Variants in RAD51B observed in about 807,000 individuals in gnomAD.
RAD51B encodes the protein RAD51 paralog B.
Under a neutral mutation model 42.2 loss-of-function variants are expected in RAD51B, and 38 were observed. That is an observed-to-expected ratio of 0.90 (90% CI 0.70 to 1.18). The LOEUF is 1.18. Ranked by LOEUF, RAD51B falls within the 50% of genes most tolerant of loss-of-function variation. The probability of loss-of-function intolerance (pLI) is 0.00; values close to 1 mark genes in which losing one functional copy is unlikely to be tolerated. For synonymous variants in RAD51B, 154 were observed against 145.2 expected, an observed-to-expected ratio of 1.06 and a Z score of -0.43; for missense variants, 373 against 400.7, an observed-to-expected ratio of 0.93 and a Z score of 0.59.
chr14:68,403,621 G>A (rs2084181770), intron 8 of RAD51B, among the ~76,000 whole-genome samples: 1 of 152,158 alleles, frequency 6.6e-6, no homozygotes, highest in African/African-American at 2.4e-5. Flanking sequence ...TGTATACAGA[G>A]CAGAGAGACA....
intron 9 of RAD51B, among the ~76,000 whole-genome samples, chr14:68,462,079 C>G (rs1268212550): frequency 6.6e-6 from 1 of 152,158 alleles, no homozygotes; most frequent in Admixed American, 6.5e-5. Flanking sequence ...CTGCTGAGTC[C>G]CACTGAAAAT....
chr14:68,514,775 T>C (rs1038276744), intron 10 of RAD51B, among the ~76,000 whole-genome samples: 1 of 152,230 alleles, frequency 6.6e-6, no homozygotes, highest in Non-Finnish European at 1.5e-5. Context: ...ACCTGCTTAA[T>C]GCATTTCAGG....
exon 11 of RAD51B, chr14:68,595,850 A>G (rs546545580): frequency 9.6e-5 from 28 of 291,910 alleles, no homozygotes; most frequent in African/African-American, 5.8e-4. Flanking sequence ...AGAAAAAAGT[A>G]TTATGTGCAT....
At chr14:68,441,131 G>C (rs55820001) in intron 9 of RAD51B, among the ~76,000 whole-genome samples, 10,294 of 152,282 alleles carry the variant, frequency 0.068, 433 homozygotes, top group Non-Finnish European at 0.093. Flanking sequence ...GTATGACATT[G>C]TTAGTTCTTT....
At chr14:68,457,066 C>T (rs1398467721) in intron 9 of RAD51B, among the ~76,000 whole-genome samples, 5 of 151,622 alleles carry the variant, frequency 3.3e-5, no homozygotes, top group African/African-American at 1.2e-4. Flanking sequence ...GCATGCACCA[C>T]CACACCCAAC....
At chr14:68,674,898 G>A (rs1424233126) in intron 11 of RAD51B, among the ~76,000 whole-genome samples, 2 of 152,178 alleles carry the variant, frequency 1.3e-5, no homozygotes, top group African/African-American at 4.8e-5. Context: ...CTGGACGATG[G>A]GCCGCTGCTC....
intron 7 of RAD51B, among the ~76,000 whole-genome samples, chr14:67,939,436 T>G (rs76351850): frequency 0.019 from 2,840 of 152,262 alleles, 42 homozygotes; most frequent in Middle Eastern, 0.041. Flanking sequence ...TGATTCCTTT[T>G]AAGAAAGAAA....
intron 8 of RAD51B, among the ~76,000 whole-genome samples, chr14:68,322,989 G>GT (rs1394193179): frequency 2.0e-5 from 3 of 152,326 alleles, no homozygotes; most frequent in African/African-American, 7.2e-5. Context: ...CAGTAGATTC[G>GT]TGACTATGAG....
chr14:68,541,466 C>G, intron 10 of RAD51B: 1 of 985,418 alleles, frequency 1.0e-6, no homozygotes, highest in Non-Finnish European at 1.2e-6. Flanking sequence ...GGGGGAATGG[C>G]CCCTCTGGCT....
At chr14:68,599,877 C>T (rs1020821123), downstream of RAD51B, among the ~76,000 whole-genome samples, 1 of 152,210 alleles carries the variant, frequency 6.6e-6, no homozygotes, top group Non-Finnish European at 1.5e-5. Flanking sequence ...CAGGGGCTCC[C>T]GAAAGATTAG....
At chr14:68,579,117 C>T (rs779183813) in intron 10 of RAD51B, among the ~76,000 whole-genome samples, 4 of 152,178 alleles carry the variant, frequency 2.6e-5, no homozygotes, top group Non-Finnish European at 5.9e-5. Context: ...ACGACACCAC[C>T]AATTTTCCTT....
At chr14:68,251,352 A>G (rs1160148331) in intron 7 of RAD51B, among the ~76,000 whole-genome samples, 1 of 152,186 alleles carries the variant, frequency 6.6e-6, no homozygotes, top group East Asian at 1.9e-4. Flanking sequence ...CCTTCTTAAA[A>G]GCAGGAGGTG....
chr14:67,876,818 T>C (rs8016246), intron 5 of RAD51B, among the ~76,000 whole-genome samples: 11 of 152,026 alleles, frequency 7.2e-5, no homozygotes, highest in Non-Finnish European at 1.5e-4. Flanking sequence ...GGGAAGTCGG[T>C]GGTGTTTTAC....
intron 5 of RAD51B, among the ~76,000 whole-genome samples, chr14:67,868,644 A>C (rs556586501): frequency 1.3e-5 from 2 of 152,252 alleles, no homozygotes; most frequent in Admixed American, 1.3e-4. Context: ...GGCACAGACA[A>C]ACAAAAAGAC....
intron 10 of RAD51B, among the ~76,000 whole-genome samples, chr14:68,632,136 C>T (rs1197219453): frequency 6.6e-6 from 1 of 152,150 alleles, no homozygotes; most frequent in Non-Finnish European, 1.5e-5. Flanking sequence ...CTCCAGAAGC[C>T]AAACCATTTG....
In RAD51B at chr14:68,066,516, A is replaced by G. The variant is rs114284864; in HGVS notation, c.756+179312A>G. On this transcript the variant is annotated intron_variant, in intron 7 of 10. Transcript: ENST00000471583. ...TTGCAAGAAAATTTGTAATGGCATG[A>G]GGAAACATAATAAAGGGAGAAATCT... is the stretch of plus-strand genomic sequence containing the variant. Among the ~76,000 whole-genome samples, 1,057 of 152,342 alleles carry G rather than the reference A, an allele frequency of 6.9e-3. 12 individuals are homozygous for G. The highest frequency in any genetic ancestry group is 0.024 in the African/African-American group (991 of 41,578).
At chr14:68,346,515 G>A (rs902344817) in intron 8 of RAD51B, among the ~76,000 whole-genome samples, 6 of 152,136 alleles carry the variant, frequency 3.9e-5, no homozygotes, top group Admixed American at 3.3e-4. Context: ...TTCATGTTCA[G>A]CTCTACATCC....
chr14:68,485,772 C>T (rs1050141842), intron 10 of RAD51B, among the ~76,000 whole-genome samples: 3 of 152,188 alleles, frequency 2.0e-5, no homozygotes, highest in Non-Finnish European at 4.4e-5. Flanking sequence ...TTTTAAAACA[C>T]AAGTGAAGGA....
downstream of RAD51B, among the ~76,000 whole-genome samples, chr14:68,599,687 G>A (rs1459111674): frequency 7.2e-5 from 11 of 152,246 alleles, no homozygotes; most frequent in Middle Eastern, 3.4e-3. Flanking sequence ...TCAGGAAATC[G>A]GTCTGGACCA....
Sources: allele counts gnomAD v4.1 joint callset (sites outside exome capture counted in the v4.1 genomes callset), GRCh38; gene constraint gnomAD v4.1.1; transcripts MANE v1.5; gene names NCBI Gene and HGNC (gene_info 2026-07-23, HGNC 2026-07-21).